Variants in COL25A1 observed in about 807,000 individuals in gnomAD.
COL25A1 encodes the protein collagen alpha-1(XXV) chain.
COL25A1 carries 103 observed loss-of-function variants against 128.4 expected under a neutral mutation model. That is an observed-to-expected ratio of 0.80 (90% CI 0.68 to 0.94). The LOEUF (loss-of-function observed/expected upper bound fraction) is 0.94. COL25A1 is among the 40% of genes least tolerant of loss of function. COL25A1 has a pLI of 0.00. For missense variants in COL25A1, 745 were observed against 840.0 expected, an observed-to-expected ratio of 0.89 and a Z score of 1.40; for synonymous variants, 279 against 277.2, an observed-to-expected ratio of 1.01 and a Z score of -0.06.
At chr4:108,819,464 T>G (rs534290264) in intron 35 of COL25A1, 135 bp from the exon 36 acceptor site, 5 of 661,570 alleles carry the variant, frequency 7.6e-6, no homozygotes, top group Admixed American at 3.1e-5. Context: ...TCCAGTGAAG[T>G]TGGGCAAAGT....
chr4:109,113,954 A>G (rs1767282616), intron 3 of COL25A1, among the ~76,000 whole-genome samples: 1 of 152,098 alleles, frequency 6.6e-6, no homozygotes, highest in African/African-American at 2.4e-5. Context: ...AAGAATCACC[A>G]TAAGCGCTAA....
At chr4:109,169,111 A>C (rs1773344089) in intron 3 of COL25A1, among the ~76,000 whole-genome samples, 2 of 152,172 alleles carry the variant, frequency 1.3e-5, no homozygotes, top group Non-Finnish European at 2.9e-5. Context: ...AAGTGTCCTT[A>C]TATAAATATA....
intron 5 of COL25A1, among the ~76,000 whole-genome samples, chr4:109,037,333 C>A (rs1759448615): frequency 6.6e-6 from 1 of 152,116 alleles, no homozygotes; most frequent in South Asian, 2.1e-4. Context: ...CTTCTATCTC[C>A]ACTCTCCTCT....
chr4:108,879,640 T>G (rs2125827896), intron 19 of COL25A1, among the ~76,000 whole-genome samples: 1 of 152,106 alleles, frequency 6.6e-6, no homozygotes, highest in Admixed American at 6.5e-5. Flanking sequence ...AGAGATGTGG[T>G]TTCACCATGT....
chr4:109,149,525 C>T (rs1013198710), intron 3 of COL25A1, among the ~76,000 whole-genome samples: 38 of 151,960 alleles, frequency 2.5e-4, no homozygotes, highest in South Asian at 4.1e-4. Flanking sequence ...AACCTCTGCC[C>T]ATGGGAATTT....
chr4:108,916,069 C>T (rs1042965812), intron 13 of COL25A1, among the ~76,000 whole-genome samples: 3 of 152,082 alleles, frequency 2.0e-5, no homozygotes, highest in Non-Finnish European at 2.9e-5. Context: ...GAAGGAGACT[C>T]GTGTTTTTTA....
chr4:109,256,947 T>C (rs1344189366), intron 3 of COL25A1, among the ~76,000 whole-genome samples: 1 of 152,200 alleles, frequency 6.6e-6, no homozygotes, highest in Non-Finnish European at 1.5e-5. Context: ...CTTAACTAAT[T>C]TGACCACACT....
intron 3 of COL25A1, among the ~76,000 whole-genome samples, chr4:109,233,283 A>G (rs1224563594): frequency 6.6e-6 from 1 of 152,080 alleles, no homozygotes; most frequent in Non-Finnish European, 1.5e-5. Flanking sequence ...TACTTATTTT[A>G]TTTTGAGGCT....
chr4:109,242,690 T>C (rs1213522362), intron 3 of COL25A1, among the ~76,000 whole-genome samples: 3 of 152,254 alleles, frequency 2.0e-5, no homozygotes, highest in South Asian at 2.1e-4. Context: ...ACTGGCTTTT[T>C]ATTTCACCAA....
At chr4:109,012,462 G>A (rs558118979) in intron 5 of COL25A1, among the ~76,000 whole-genome samples, 18 of 152,330 alleles carry the variant, frequency 1.2e-4, no homozygotes, top group African/African-American at 4.1e-4. Context: ...CTGCTTGCGG[G>A]GAGGTGTGGA....
rs574264751 is a variant in COL25A1 at position 108,815,438 on chromosome 4, A to G, written c.1963-1509T>C. ...CTAAGTTGACCACATAAGAAATTTG[A>G]GAACGTTTTCATTTTCTAAATTGTT... On this transcript the variant is annotated intron_variant, in intron 37 of 37. Transcript: ENST00000399132. Among the ~76,000 whole-genome samples, 56 of 152,314 alleles carry G rather than the reference A, an allele frequency of 3.7e-4. 4 individuals are homozygous for G. In the South Asian group the frequency reaches 0.011, roughly 31 times the overall value.
intron 3 of COL25A1, among the ~76,000 whole-genome samples, chr4:109,076,939 C>A (rs1252946481): frequency 6.6e-6 from 1 of 152,116 alleles, no homozygotes; most frequent in Non-Finnish European, 1.5e-5. Flanking sequence ...GCTACAAATA[C>A]AGATTAGGCT....
At chr4:108,842,415 A>G (rs1298940558) in intron 30 of COL25A1, among the ~76,000 whole-genome samples, 1 of 152,222 alleles carries the variant, frequency 6.6e-6, no homozygotes, top group Non-Finnish European at 1.5e-5. Context: ...CATACTTTGT[A>G]GAAAATCTAA....
At chr4:109,274,074 C>T (rs1202337735) in intron 3 of COL25A1, among the ~76,000 whole-genome samples, 1 of 152,168 alleles carries the variant, frequency 6.6e-6, no homozygotes, top group African/African-American at 2.4e-5. Context: ...TCAGAGCACA[C>T]ACTGTTGGTA....
At chr4:108,870,938 C>T (rs1738633449) in intron 19 of COL25A1, among the ~76,000 whole-genome samples, 1 of 151,898 alleles carries the variant, frequency 6.6e-6, no homozygotes, top group Non-Finnish European at 1.5e-5. Flanking sequence ...AATAGATGCA[C>T]CATTAAAGCA....
intron 5 of COL25A1, among the ~76,000 whole-genome samples, chr4:109,036,879 A>G (rs949910812): frequency 2.6e-5 from 4 of 152,232 alleles, no homozygotes; most frequent in Admixed American, 2.6e-4. Context: ...CTGTATGCCA[A>G]CTGGTTGTTA....
Position 108,813,695 on chromosome 4 carries a change from A to G in COL25A1, c.*232T>C. 1 of 444,506 alleles carries G rather than the reference A, an allele frequency of 2.2e-6. No homozygotes were observed. The highest frequency in any genetic ancestry group is 4.1e-6 in the Non-Finnish European group (1 of 245,326). 27.5% of individuals were successfully genotyped at this position (444,506 alleles called of 1,614,324 possible). On this transcript the variant is annotated 3_prime_UTR_variant, in exon 38 of 38. Coordinates refer to ENST00000399132, the MANE Select transcript of COL25A1 (RefSeq NM_198721.4). ...TCCATATAAATACGTATCTTCACAT[A>G]AGATAAGGAGATACTGATCTATATT...
chr4:109,158,583 T>C (rs1772250756), intron 3 of COL25A1, among the ~76,000 whole-genome samples: 1 of 152,160 alleles, frequency 6.6e-6, no homozygotes. Context: ...AAAAGAAGAC[T>C]AAGTCGTGGC....
chr4:109,129,507 A>G lies in COL25A1; in HGVS notation c.368-79328T>C, dbSNP rs189431107. ...ATTGTGCTCAAATCTAACATATATT[A>G]TAAAGTAATATAATTTTCTTCAAAA... On this transcript the variant is annotated intron_variant, in intron 3 of 37. Transcript: ENST00000399132. 3.3e-3 allele frequency among the ~76,000 whole-genome samples: 503 copies of G among 152,298 alleles called. 3 individuals are homozygous for G. The highest frequency in any genetic ancestry group is 6.6e-3 in the Admixed American group (101 of 15,284).
Sources: allele counts gnomAD v4.1 joint callset (sites outside exome capture counted in the v4.1 genomes callset), GRCh38; gene constraint gnomAD v4.1.1; transcripts MANE v1.5; gene names NCBI Gene and HGNC (gene_info 2026-07-23, HGNC 2026-07-21).